ADAMTS2: variants seen among roughly 807,000 people sequenced by gnomAD.
The protein encoded by ADAMTS2 is ADAM metallopeptidase with thrombospondin type 1 motif 2, also known as A disintegrin and metalloproteinase with thrombospondin motifs 2.
Under a neutral mutation model 123.0 loss-of-function variants are expected in ADAMTS2, and 50 were observed. The observed-to-expected ratio is 0.41, with a 90% CI of 0.32 to 0.51. The LOEUF is 0.51. Ranked by LOEUF, ADAMTS2 falls within the 20% of genes least tolerant of loss-of-function variation. The pLI is 0.35. For synonymous variants in ADAMTS2, 678 were observed against 695.4 expected (o/e 0.98, Z 0.39); for missense variants, 1,494 against 1,705.2 (o/e 0.88, Z 2.18).
Position 179,202,278 on chromosome 5 carries a change from C to T in ADAMTS2, c.891+5235G>A, listed in dbSNP as rs111243784. ...CCCCATTCCTGCCTCAGGGCCTTGGCGCCGCCTGCCCCCTCCCCCAAACCT... is the reference window on the plus strand; with the variant it reads ...CCCCATTCCTGCCTCAGGGCCTTGGTGCCGCCTGCCCCCTCCCCCAAACCT... On this transcript the variant is annotated intron_variant, in intron 4 of 21. Coordinates refer to ENST00000251582, the MANE Select transcript of ADAMTS2 (RefSeq NM_014244.5). This position sits in a 1 kb window ranked among gnomAD's most constrained non-coding sequence, Gnocchi z 4.0. 0.031 allele frequency among the ~76,000 whole-genome samples: 4,733 copies of T among 152,052 alleles called. 256 individuals are homozygous for T. The highest frequency in any genetic ancestry group is 0.11 in the African/African-American group (4,377 of 41,438).
intron 3 of ADAMTS2, among the ~76,000 whole-genome samples, chr5:179,227,769 AAGGAGGGAGGGCC>A (rs1336577380): frequency 6.6e-6 from 1 of 152,072 alleles, no homozygotes. Context: ...CTGCTGTGCC[AAGGAGGGAGGGCC>A]AGGAGAGGAG....
Position 179,113,826 on chromosome 5 carries a change from A to G in ADAMTS2, c.*41T>C. 1 of 1,591,090 alleles carries G rather than the reference A, an allele frequency of 6.3e-7. No individual in the cohort carries two copies. The highest frequency in any genetic ancestry group is 8.6e-7 in the Non-Finnish European group (1 of 1,159,136). Reference sequence around the variant, plus strand: ...TTGCTATCCCATGGAATATCTCTATAAGCAAGAAAAAAATGCTAGGGATGC... The same window carrying G: ...TTGCTATCCCATGGAATATCTCTATGAGCAAGAAAAAAATGCTAGGGATGC... On this transcript the variant is annotated 3_prime_UTR_variant, in exon 22 of 22. Coordinates refer to ENST00000251582, the MANE Select transcript of ADAMTS2 (RefSeq NM_014244.5).
chr5:179,314,726 C>G lies in ADAMTS2; in HGVS notation c.534+29041G>C, dbSNP rs1756936305. Among the ~76,000 whole-genome samples, 1 of 152,162 alleles carries G rather than the reference C, an allele frequency of 6.6e-6. No individual in the cohort carries two copies. The highest frequency in any genetic ancestry group is 1.5e-5 in the Non-Finnish European group (1 of 68,032). ...CGCTCTTCCACCAAGCCCTTGTAGCCTTCCTGCACCCAGGTGGGGCTCCTG... is the reference window on the plus strand; with the variant it reads ...CGCTCTTCCACCAAGCCCTTGTAGCGTTCCTGCACCCAGGTGGGGCTCCTG... On this transcript the variant is annotated intron_variant, in intron 2 of 21. Coordinates refer to ENST00000251582, the MANE Select transcript of ADAMTS2 (RefSeq NM_014244.5). This position sits in a 1 kb window ranked among gnomAD's most constrained non-coding sequence, Gnocchi z 4.5.
chr5:179,171,917 G>A (rs1763823779), intron 5 of ADAMTS2, among the ~76,000 whole-genome samples: 1 of 152,134 alleles, frequency 6.6e-6, no homozygotes. Context: ...GCACTGGGGT[G>A]TCCTGGGTCC....
At chr5:179,275,519 C>T (rs1014797383) in intron 2 of ADAMTS2, among the ~76,000 whole-genome samples, 2 of 152,172 alleles carry the variant, frequency 1.3e-5, no homozygotes, top group African/African-American at 4.8e-5. Flanking sequence ...CTGGCTGGGC[C>T]CTGAATGCAG....
Position 179,158,647 on chromosome 5 carries a change from C to T in ADAMTS2, c.1132+76G>A, listed in dbSNP as rs1763531557. The T allele has an allele frequency of 6.2e-6, 10 of 1,604,630 alleles. No homozygotes were observed. The highest frequency in any genetic ancestry group is 8.5e-6 in the Non-Finnish European group (10 of 1,174,344). ...CACTCTTCCCTGGGCTGGGCCAAGG[C>T]TCCCGGGGCCCCTTGCATGGCCAGG... On this transcript the variant is annotated intron_variant, in intron 6 of 21. Coordinates refer to ENST00000251582, the MANE Select transcript of ADAMTS2 (RefSeq NM_014244.5). The surrounding 1 kb of genome is among the most constrained non-coding windows in gnomAD (Gnocchi z 5.0).
intron 3 of ADAMTS2, among the ~76,000 whole-genome samples, chr5:179,257,730 C>A (rs377685133): frequency 1.7e-3 from 256 of 152,312 alleles, no homozygotes; most frequent in African/African-American, 5.8e-3. Context: ...AACTCCGAGG[C>A]AGCCCTGGCC....
At chr5:179,231,852 C>T (rs745587931) in intron 3 of ADAMTS2, among the ~76,000 whole-genome samples, 16 of 149,844 alleles carry the variant, frequency 1.1e-4, no homozygotes, top group African/African-American at 3.0e-4. Context: ...GAGTTAGAGG[C>T]TGCAGTGAGC....
At chr5:179,343,190 C>T (rs1228323517) in intron 2 of ADAMTS2, among the ~76,000 whole-genome samples, 1 of 152,214 alleles carries the variant, frequency 6.6e-6, no homozygotes, top group Non-Finnish European at 1.5e-5. Flanking sequence ...GCTCCCTGGG[C>T]TGGTATTACC....
In ADAMTS2 at chr5:179,132,669, A is replaced by T; in HGVS notation, c.2209+108T>A. On this transcript the variant is annotated intron_variant, in intron 14 of 21. Transcript: ENST00000251582. This position sits in a 1 kb window ranked among gnomAD's most constrained non-coding sequence, Gnocchi z 6.1. ...TCACAGACCTCTCCCCCTCCCCAGA[A>T]CAGTCATAAGCCCGGACAGCCCCAG... 1 of 1,512,978 alleles carries T rather than the reference A, an allele frequency of 6.6e-7. No individual in the cohort carries two copies. Among genetic ancestry groups the T allele is most frequent in the Admixed American group, 1.7e-5 (1 of 59,366 alleles). 93.7% of individuals were successfully genotyped at this position (1,512,978 alleles called of 1,614,324 possible). A position where few individuals can be genotyped will look rare whatever the true frequency, so the allele number is the denominator to read the frequency against.
At chr5:179,165,676 G>C (rs1016252564) in intron 5 of ADAMTS2, among the ~76,000 whole-genome samples, 1 of 152,178 alleles carries the variant, frequency 6.6e-6, no homozygotes, top group African/African-American at 2.4e-5. Flanking sequence ...CTGTATGACC[G>C]GGGATGGACA....
intron 3 of ADAMTS2, among the ~76,000 whole-genome samples, chr5:179,236,367 A>G (rs1046627510): frequency 7.9e-5 from 12 of 152,306 alleles, no homozygotes; most frequent in African/African-American, 2.6e-4. Flanking sequence ...TAACCATCAA[A>G]TTCACCAGGA....
intron 2 of ADAMTS2, among the ~76,000 whole-genome samples, chr5:179,284,812 T>C (rs1230609886): frequency 6.6e-6 from 1 of 152,156 alleles, no homozygotes; most frequent in South Asian, 2.1e-4. Flanking sequence ...ACCCATGACA[T>C]ATTGGTGACC....
chr5:179,113,598 G>C lies in ADAMTS2; in HGVS notation c.*269C>G, dbSNP rs907548094. The C allele has an allele frequency of 1.6e-5, 8 of 509,572 alleles. No homozygotes were observed. The highest frequency in any genetic ancestry group is 1.5e-4 in the African/African-American group (8 of 52,014). The allele number at this position is 509,572 out of a possible 1,614,324, so 31.6% of individuals were successfully genotyped here. A position where few individuals can be genotyped will look rare whatever the true frequency, so the allele number is the denominator to read the frequency against. On this transcript the variant is annotated 3_prime_UTR_variant, in exon 22 of 22. Coordinates refer to ENST00000251582, the MANE Select transcript of ADAMTS2 (RefSeq NM_014244.5). ...TGATCCCTCTTGCCCTGCCCTCACT[G>C]AGGGAGGCCATACAGCCTCTATATT...
chr5:179,249,853 GCA>G (rs1765879451), intron 3 of ADAMTS2, among the ~76,000 whole-genome samples: 1 of 152,190 alleles, frequency 6.6e-6, no homozygotes, highest in Non-Finnish European at 1.5e-5. Flanking sequence ...TATGAGGCCA[GCA>G]TTACCCTGAT....
chr5:179,119,338 G>T (rs754880142), intron 21 of ADAMTS2, among the ~76,000 whole-genome samples: 1 of 152,216 alleles, frequency 6.6e-6, no homozygotes, highest in Non-Finnish European at 1.5e-5. Context: ...TATGCCCAAG[G>T]CCTGTCCCCA....
intron 5 of ADAMTS2, among the ~76,000 whole-genome samples, chr5:179,173,752 C>T (rs552731450): frequency 1.8e-4 from 27 of 152,272 alleles, no homozygotes; most frequent in African/African-American, 5.1e-4. Context: ...CGGTGGCTCG[C>T]GCCCCATAAC....
intron 11 of ADAMTS2, among the ~76,000 whole-genome samples, chr5:179,138,443 T>G (rs766194900): frequency 1.4e-4 from 21 of 152,190 alleles, no homozygotes; most frequent in Non-Finnish European, 2.4e-4. Flanking sequence ...GCAAGTGTCT[T>G]GGCACAAAGC....
chr5:179,266,737 C>A (rs911431296), intron 3 of ADAMTS2, among the ~76,000 whole-genome samples: 13 of 152,224 alleles, frequency 8.5e-5, no homozygotes, highest in African/African-American at 2.4e-4. Context: ...CACCCCCCAA[C>A]AAAGCACACG....
Sources: allele counts gnomAD v4.1 joint callset (sites outside exome capture counted in the v4.1 genomes callset), GRCh38; gene constraint gnomAD v4.1.1; non-coding constraint Gnocchi (gnomAD v3.1); transcripts MANE v1.5; gene names NCBI Gene and HGNC (gene_info 2026-07-23, HGNC 2026-07-21).